Variants in GRHL2 observed in about 807,000 individuals in gnomAD.
GRHL2 encodes the protein grainyhead like transcription factor 2.
A neutral mutation model predicts 83.8 loss-of-function variants in GRHL2; 21 were observed. The ratio of observed to expected loss-of-function variants is 0.25; its 90% CI spans 0.18 to 0.36. The LOEUF (loss-of-function observed/expected upper bound fraction) is 0.36, where lower values mean the gene tolerates loss of function less well. Among genes scored for constraint, GRHL2 ranks in the 10% least tolerant of loss-of-function variants. The pLI, the probability that GRHL2 is intolerant of heterozygous loss-of-function variation, is 1.00. For synonymous variants in GRHL2, 280 were observed against 278.9 expected (o/e 1.00, Z -0.04); for missense variants, 623 against 781.8 (o/e 0.80, Z 2.42).
At chr8:101,508,824 G>A (rs1810391222) in intron 1 of GRHL2, among the ~76,000 whole-genome samples, 1 of 152,122 alleles carries the variant, frequency 6.6e-6, no homozygotes. Flanking sequence ...CAAGCTAAAT[G>A]CAGAGACCCC....
At chr8:101,498,851 G>A (rs1040730609) in intron 1 of GRHL2, among the ~76,000 whole-genome samples, 8 of 152,010 alleles carry the variant, frequency 5.3e-5, no homozygotes, top group African/African-American at 1.9e-4. Flanking sequence ...CGAGGTGGGC[G>A]GATCACGAGG....
downstream of GRHL2, among the ~76,000 whole-genome samples, chr8:101,671,572 G>C (rs1001945706): frequency 3.9e-5 from 6 of 152,230 alleles, no homozygotes; most frequent in Admixed American, 2.0e-4. Flanking sequence ...AGCTCAAGGA[G>C]ACCTGCCTGC....
At chr8:101,498,805 GT>G (rs1454613656) in intron 1 of GRHL2, among the ~76,000 whole-genome samples, 1 of 152,176 alleles carries the variant, frequency 6.6e-6, no homozygotes, top group Non-Finnish European at 1.5e-5. Flanking sequence ...GCCGGGCGTG[GT>G]GGCTCATGCC....
intron 3 of GRHL2, among the ~76,000 whole-genome samples, chr8:101,554,176 AC>A: frequency 6.6e-6 from 1 of 152,260 alleles, no homozygotes; most frequent in South Asian, 2.1e-4. Context: ...CCAGGGCGCA[AC>A]CCCAGCAGAA....
At chr8:101,584,004 A>T (rs1376562514) in intron 7 of GRHL2, among the ~76,000 whole-genome samples, 1 of 152,226 alleles carries the variant, frequency 6.6e-6, no homozygotes, top group African/African-American at 2.4e-5. Flanking sequence ...GTTGTGATGT[A>T]GTGAGCCTGA....
chr8:101,598,773 C>T (rs1219812472), intron 7 of GRHL2, among the ~76,000 whole-genome samples: 2 of 151,842 alleles, frequency 1.3e-5, no homozygotes, highest in African/African-American at 4.8e-5. Flanking sequence ...AAAAGAAAAC[C>T]TTAATAATCT....
At chr8:101,494,433 C>T (rs778225400) in intron 1 of GRHL2, among the ~76,000 whole-genome samples, 3 of 152,174 alleles carry the variant, frequency 2.0e-5, no homozygotes, top group Non-Finnish European at 4.4e-5. Context: ...GCGTTACCAA[C>T]ACGGGAGCGG....
At chr8:101,560,372 A>G (rs988495005) in intron 4 of GRHL2, among the ~76,000 whole-genome samples, 3 of 152,136 alleles carry the variant, frequency 2.0e-5, no homozygotes, top group African/African-American at 7.2e-5. Flanking sequence ...GCTGAGTAGT[A>G]TTTCATAGTG....
At chr8:101,523,847 C>T (rs189252860) in intron 1 of GRHL2, among the ~76,000 whole-genome samples, 230 of 152,200 alleles carry the variant, frequency 1.5e-3, no homozygotes, top group Admixed American at 7.1e-3. Context: ...AGACAAATCA[C>T]GCACCATCCC....
At chr8:101,616,232 A>G (rs943853260) in intron 8 of GRHL2, among the ~76,000 whole-genome samples, 2 of 150,048 alleles carry the variant, frequency 1.3e-5, no homozygotes, top group Admixed American at 6.7e-5. Context: ...GTGCAATGGC[A>G]TGATCTCGGC....
At chr8:101,588,508 A>G (rs1038339765) in intron 7 of GRHL2, among the ~76,000 whole-genome samples, 2 of 152,240 alleles carry the variant, frequency 1.3e-5, no homozygotes, top group Admixed American at 1.3e-4. Flanking sequence ...CACCCCCTTA[A>G]CACAGGTAAG....
chr8:101,601,749 A>G (rs1292426285), intron 8 of GRHL2, among the ~76,000 whole-genome samples: 1 of 152,250 alleles, frequency 6.6e-6, no homozygotes, highest in Non-Finnish European at 1.5e-5. Context: ...ATCAATAAGT[A>G]ATGAAAAAAG....
intron 7 of GRHL2, among the ~76,000 whole-genome samples, chr8:101,585,984 T>A (rs937470626): frequency 6.6e-6 from 1 of 151,612 alleles, no homozygotes; most frequent in Non-Finnish European, 1.5e-5. Flanking sequence ...CAGGATTCTA[T>A]CCCCAGCTCC....
At chr8:101,514,240 T>A (rs1210182576) in intron 1 of GRHL2, among the ~76,000 whole-genome samples, 3 of 152,228 alleles carry the variant, frequency 2.0e-5, no homozygotes, top group African/African-American at 7.2e-5. Context: ...CACAGTACAT[T>A]AGACTTACAC....
At chr8:101,616,833 G>T (rs1586147290) in intron 8 of GRHL2, among the ~76,000 whole-genome samples, 2 of 152,164 alleles carry the variant, frequency 1.3e-5, no homozygotes, top group East Asian at 1.9e-4. Flanking sequence ...TTGTGGGCTT[G>T]TGTGGATGTT....
chr8:101,556,622 G>A (rs1288216374), intron 3 of GRHL2, among the ~76,000 whole-genome samples: 4 of 152,176 alleles, frequency 2.6e-5, no homozygotes, highest in Admixed American at 6.5e-5. Flanking sequence ...GTACCACCCA[G>A]GAGGTCTGAG....
chr8:101,550,288 C>T (rs1586085150), intron 2 of GRHL2, among the ~76,000 whole-genome samples: 1 of 152,038 alleles, frequency 6.6e-6, no homozygotes, highest in Non-Finnish European at 1.5e-5. Flanking sequence ...TGGGATACGA[C>T]TGTGCCCAGC....
chr8:101,623,145 G>A (rs1429005575), intron 9 of GRHL2, among the ~76,000 whole-genome samples: 1 of 152,214 alleles, frequency 6.6e-6, no homozygotes, highest in Non-Finnish European at 1.5e-5. Context: ...GAAAGAAAAC[G>A]CATTAACAAG....
chr8:101,586,817 G>A (rs932634645), intron 7 of GRHL2, among the ~76,000 whole-genome samples: 3 of 152,180 alleles, frequency 2.0e-5, no homozygotes, highest in Non-Finnish European at 4.4e-5. Context: ...AAATCTGACT[G>A]GGGTTGGACT....
Sources: allele counts gnomAD v4.1 joint callset (sites outside exome capture counted in the v4.1 genomes callset), GRCh38; gene constraint gnomAD v4.1.1; transcripts MANE v1.5; gene names NCBI Gene and HGNC (gene_info 2026-07-23, HGNC 2026-07-21).